Variants in ALKBH5 observed in about 807,000 individuals in gnomAD.
The protein encoded by ALKBH5 is RNA demethylase ALKBH5.
ALKBH5 carries 2 observed loss-of-function variants against 32.1 expected under a neutral mutation model. The ratio of observed to expected loss-of-function variants is 0.06; its 90% confidence interval spans 0.03 to 0.20. The LOEUF (loss-of-function observed/expected upper bound fraction) is 0.20, where lower values mean the gene tolerates loss of function less well. ALKBH5 is among the 10% of genes least tolerant of loss of function. The probability of loss-of-function intolerance (pLI) is 1.00; values close to 1 mark genes in which losing one functional copy is unlikely to be tolerated. For missense variants in ALKBH5, 352 were observed against 559.5 expected, an observed-to-expected ratio of 0.63 and a Z score of 3.74; for synonymous variants, 300 against 231.7, an observed-to-expected ratio of 1.29 and a Z score of -2.68.
At chr17:18,195,231 A>G (rs1007129613) in intron 2 of ALKBH5, among the ~76,000 whole-genome samples, 196 bp downstream of exon 2, 1 of 152,188 alleles carries the variant, frequency 6.6e-6, no homozygotes, top group Admixed American at 6.5e-5. Context: ...TAAGTACTCT[A>G]TTTAGGGAGT....
chr17:18,204,526 C>T (rs1239907770), intron 2 of ALKBH5, among the ~76,000 whole-genome samples: 1 of 151,718 alleles, frequency 6.6e-6, no homozygotes, highest in Admixed American at 6.6e-5. Flanking sequence ...GTTTGGGAGG[C>T]TGAGATGGGC....
chr17:18,201,794 A>AGATAGATAGGATAGATAAGATAGAT (rs1491101824), intron 2 of ALKBH5, among the ~76,000 whole-genome samples: 1 of 134,416 alleles, frequency 7.4e-6, no homozygotes, highest in African/African-American at 2.7e-5. Context: ...TAGGATAGAT[A>AGATAGATAGGATAGATAAGATAGAT]AGATAGATAG....
At chr17:18,206,753 C>T in intron 2 of ALKBH5, 62 bp from the exon 3 acceptor site, 2 of 1,572,292 alleles carry the variant, frequency 1.3e-6, no homozygotes, top group Non-Finnish European at 1.7e-6. Flanking sequence ...GAGAATTGGT[C>T]TGATGGTGCC....
chr17:18,201,792 A>G (rs1361606153), intron 2 of ALKBH5, among the ~76,000 whole-genome samples: 26 of 75,672 alleles, frequency 3.4e-4, no homozygotes, highest in East Asian at 8.0e-4. Flanking sequence ...GATAGGATAG[A>G]TAAGATAGAT....
intron 1 of ALKBH5, among the ~76,000 whole-genome samples, chr17:18,186,784 G>A (rs972906310): frequency 1.3e-5 from 2 of 152,158 alleles, no homozygotes; most frequent in Admixed American, 1.3e-4. Flanking sequence ...TAGTGTGGGA[G>A]GCTCAGCCAT....
At position 18,184,357 on chromosome 17, in the gene ALKBH5, A is replaced by G. The variant is rs1241284745; in HGVS notation, c.114A>G (p.Val38=). 1.3e-6 allele frequency: 2 copies of G among 1,514,896 alleles called. No individual in the cohort carries two copies. Among genetic ancestry groups the G allele is most frequent in the African/African-American group, 1.4e-5 (1 of 69,896 alleles). 93.8% of individuals were successfully genotyped at this position (1,514,896 alleles called of 1,614,324 possible). A position where few individuals can be genotyped will look rare whatever the true frequency, so the allele number is the denominator to read the frequency against. Residue 38 remains valine, a synonymous_variant, in exon 1 of 4, where the codon GTA becomes GTG. Transcript: ENST00000399138. The part of the protein sequence containing the change: ...REAAAAAAAA[V]AAAAAAAAAA... Reference sequence around the variant, plus strand: ...CCGCCGCCGCTGCCGCAGCCGCCGTAGCCGCCGCAGCCGCAGCCGCCGCTG... The same window carrying G: ...CCGCCGCCGCTGCCGCAGCCGCCGTGGCCGCCGCAGCCGCAGCCGCCGCTG...
intron 1 of ALKBH5, among the ~76,000 whole-genome samples, chr17:18,191,967 C>T (rs1260897082): frequency 1.7e-5 from 2 of 120,958 alleles, no homozygotes; most frequent in Non-Finnish European, 3.6e-5. Flanking sequence ...AAAAAAAGTG[C>T]CTTTGAGACC....
chr17:18,185,059 G>A (rs376303822), intron 1 of ALKBH5, 46 bp downstream of exon 1: 1 of 1,575,576 alleles, frequency 6.3e-7, no homozygotes, highest in Non-Finnish European at 8.6e-7. Context: ...TGCTGCCTTA[G>A]CTACCCACCC....
chr17:18,206,896 G>C lies in ALKBH5; in HGVS notation c.933G>C (p.Leu311=), dbSNP rs918873765. Residue 311 remains leucine (L), a synonymous_variant, in exon 3 of 4, where the codon CTG becomes CTC. Coordinates refer to ENST00000399138, the MANE Select transcript of ALKBH5 (RefSeq NM_017758.4). ...CACCCAGCTATGCTTCAGATCGCCT[G>C]TCAGGAAACAACAGGGACCCTGCTC... ...VLPPSYASDR[L]SGNNRDPALK... is the part of the protein sequence containing the mutation. 1 of 1,614,146 alleles carries C rather than the reference G, an allele frequency of 6.2e-7. No individual in the cohort carries two copies. Among genetic ancestry groups the C allele is most frequent in the Non-Finnish European group, 8.5e-7 (1 of 1,180,054 alleles).
In ALKBH5 at chr17:18,187,492, G is replaced by T. The variant is rs370584085; in HGVS notation, c.770+2479G>T. On this transcript the variant is annotated intron_variant, in intron 1 of 3. Transcript: ENST00000399138. ...TTGTAGACTGTTCAGCAGCATTCCT[G>T]GCTTCTATCTGCTAGGTGCCAATAG... Among the ~76,000 whole-genome samples, 288 of 152,308 alleles carry T rather than the reference G, an allele frequency of 1.9e-3. 1 individual carries two copies. Among genetic ancestry groups the T allele is most frequent in the Non-Finnish European group, 3.1e-3 (211 of 68,030 alleles).
chr17:18,192,854 CTTTTTTTTTT>C (rs201150139), intron 1 of ALKBH5, among the ~76,000 whole-genome samples: 4 of 115,590 alleles, frequency 3.5e-5, no homozygotes, highest in Admixed American at 9.4e-5. Flanking sequence ...CTGTCTTTTT[CTTTTTTTTTT>C]TTTTTTTTTT....
chr17:18,192,298 C>T (rs1238683134), intron 1 of ALKBH5, among the ~76,000 whole-genome samples: 1 of 152,210 alleles, frequency 6.6e-6, no homozygotes, highest in Non-Finnish European at 1.5e-5. Context: ...CGCAATACCC[C>T]TGCAGGTAGG....
chr17:18,203,824 T>C (rs879815835), intron 2 of ALKBH5, among the ~76,000 whole-genome samples: 9 of 152,130 alleles, frequency 5.9e-5, no homozygotes, highest in Non-Finnish European at 1.0e-4. Flanking sequence ...CCAGCTGTTA[T>C]GAGATGTACT....
chr17:18,204,889 GT>G (rs2047260791), intron 2 of ALKBH5, among the ~76,000 whole-genome samples: 1 of 151,630 alleles, frequency 6.6e-6, no homozygotes, highest in Admixed American at 6.6e-5. Flanking sequence ...GTGGTACCCT[GT>G]CTCGCCAAAA....
chr17:18,185,596 A>T (rs111599646), intron 1 of ALKBH5, among the ~76,000 whole-genome samples: 3,223 of 152,276 alleles, frequency 0.021, 101 homozygotes, highest in African/African-American at 0.065. Context: ...CACTCTTAAA[A>T]TTCTTCCCTC....
intron 1 of ALKBH5, among the ~76,000 whole-genome samples, chr17:18,191,117 G>A (rs755969124): frequency 2.0e-4 from 31 of 152,350 alleles, no homozygotes; most frequent in Middle Eastern, 3.4e-3. Context: ...CAAGCTGGCC[G>A]ACTGAGACTT....
intron 2 of ALKBH5, among the ~76,000 whole-genome samples, chr17:18,201,794 A>AGGATAGATAGATAGAT (rs1491101824): frequency 2.2e-5 from 3 of 134,416 alleles, no homozygotes; most frequent in South Asian, 2.5e-4. Flanking sequence ...TAGGATAGAT[A>AGGATAGATAGATAGAT]AGATAGATAG....
chr17:18,194,116 T>C (rs892382835), intron 1 of ALKBH5, among the ~76,000 whole-genome samples: 13 of 145,482 alleles, frequency 8.9e-5, no homozygotes, highest in Admixed American at 5.7e-4. Flanking sequence ...TAAACAGATA[T>C]CTGAGTATGA....
At chr17:18,201,815 AGAT>A (rs746209059) in intron 2 of ALKBH5, among the ~76,000 whole-genome samples, 261 of 75,202 alleles carry the variant, frequency 3.5e-3, no homozygotes, top group African/African-American at 4.9e-3. Context: ...ATAGATAGAT[AGAT>A]AGATAGATAG....
Sources: allele counts gnomAD v4.1 joint callset (sites outside exome capture counted in the v4.1 genomes callset), GRCh38; gene constraint gnomAD v4.1.1; transcripts MANE v1.5; gene names NCBI Gene and HGNC (gene_info 2026-07-23, HGNC 2026-07-21).